ZMYND11: variants seen among roughly 807,000 people sequenced by gnomAD.
The protein encoded by ZMYND11 is zinc finger MYND domain-containing protein 11.
ZMYND11 carries 9 observed loss-of-function variants against 84.9 expected under a neutral mutation model. That is an observed-to-expected ratio of 0.11 (90% CI 0.06 to 0.18). The LOEUF (loss-of-function observed/expected upper bound fraction) is 0.18, where lower values mean the gene tolerates loss of function less well. ZMYND11 is among the 10% of genes least tolerant of loss of function. The pLI is 1.00. For synonymous variants in ZMYND11, 250 were observed against 244.1 expected, an observed-to-expected ratio of 1.02 and a Z score of -0.23; for missense variants, 409 against 761.0, an observed-to-expected ratio of 0.54 and a Z score of 5.44.
intron 8 of ZMYND11, among the ~76,000 whole-genome samples, chr10:240,607 A>ATTCAGTCTGAAGTGCTAACCAGT (rs1950719083): frequency 6.6e-6 from 1 of 152,228 alleles, no homozygotes; most frequent in Admixed American, 6.5e-5. Context: ...CCTGAGGAAT[A>ATTCAGTCTGAAGTGCTAACCAGT]TTCAGTCTGA....
At chr10:201,012 C>G (rs1268126297) in intron 2 of ZMYND11, among the ~76,000 whole-genome samples, 1 of 151,796 alleles carries the variant, frequency 6.6e-6, no homozygotes, top group Non-Finnish European at 1.5e-5. Context: ...TTTGCATCTC[C>G]TCCTGTTATA....
intron 1 of ZMYND11, among the ~76,000 whole-genome samples, chr10:176,492 G>GA (rs1175769406): frequency 6.6e-6 from 1 of 151,832 alleles, no homozygotes; most frequent in African/African-American, 2.4e-5. Context: ...CATAACAGCT[G>GA]AAAAAAAGTG....
At chr10:131,147 G>A (rs1400693087), upstream of ZMYND11, among the ~76,000 whole-genome samples, 1 of 152,128 alleles carries the variant, frequency 6.6e-6, no homozygotes, top group African/African-American at 2.4e-5. Flanking sequence ...GGGAGACAGG[G>A]AAAAGGTTAG....
Position 156,268 on chromosome 10 carries a change from C to T in ZMYND11, c.-20+20709C>T, listed in dbSNP as rs570719894. 1.5e-4 allele frequency among the ~76,000 whole-genome samples: 23 copies of T among 152,176 alleles called. No individual in the cohort carries two copies. In the South Asian group the frequency reaches 4.8e-3, roughly 32 times the overall value. Reference sequence around the variant, plus strand: ...AGAAGCAGCCCCTGTGCAACTGAGTCGATTTTTCTGTATTGTTGCATATGA... The same window carrying T: ...AGAAGCAGCCCCTGTGCAACTGAGTTGATTTTTCTGTATTGTTGCATATGA... On this transcript the variant is annotated intron_variant, in intron 1 of 14. Transcript: ENST00000381604.
At chr10:209,247 G>T (rs1002531671) in intron 2 of ZMYND11, among the ~76,000 whole-genome samples, 7 of 152,038 alleles carry the variant, frequency 4.6e-5, no homozygotes, top group Non-Finnish European at 1.0e-4. Context: ...GGGTGTGTCG[G>T]ATATATTTCA....
chr10:223,179 G>A (rs1178132325), intron 4 of ZMYND11, among the ~76,000 whole-genome samples: 3 of 152,086 alleles, frequency 2.0e-5, no homozygotes, highest in East Asian at 1.9e-4. Flanking sequence ...ACAGGTGCGT[G>A]CCACCACACC....
At chr10:184,653 G>A (rs1937655501) in intron 2 of ZMYND11, among the ~76,000 whole-genome samples, 2 of 151,788 alleles carry the variant, frequency 1.3e-5, no homozygotes, top group African/African-American at 4.8e-5. Context: ...CTTCTGTTTT[G>A]TCGGCTTGTC....
At chr10:188,934 T>G (rs760788996) in intron 2 of ZMYND11, among the ~76,000 whole-genome samples, 13 of 152,214 alleles carry the variant, frequency 8.5e-5, no homozygotes, top group Non-Finnish European at 1.8e-4. Context: ...AATTGAAGTA[T>G]TGGACCTATA....
At chr10:188,770 A>T (rs541567727) in intron 2 of ZMYND11, among the ~76,000 whole-genome samples, 5 of 152,278 alleles carry the variant, frequency 3.3e-5, no homozygotes, top group African/African-American at 1.2e-4. Context: ...TTGGCTTTAG[A>T]GGTTTATAAT....
chr10:187,257 T>G (rs943427497), intron 2 of ZMYND11, among the ~76,000 whole-genome samples: 22 of 152,028 alleles, frequency 1.4e-4, no homozygotes, highest in Non-Finnish European at 1.6e-4. Flanking sequence ...AAAAAAACCC[T>G]GCAAGTCTTA....
At chr10:147,425 T>C (rs1371095931) in intron 1 of ZMYND11, among the ~76,000 whole-genome samples, 3 of 152,124 alleles carry the variant, frequency 2.0e-5, no homozygotes, top group Non-Finnish European at 2.9e-5. Flanking sequence ...GTTCCTCCTA[T>C]TGAGCTCTAC....
intron 2 of ZMYND11, among the ~76,000 whole-genome samples, chr10:187,612 CTA>C: frequency 7.0e-6 from 1 of 142,374 alleles, no homozygotes; most frequent in Non-Finnish European, 1.5e-5. Context: ...CCGGCCTGGG[CTA>C]AACAGCGGGA....
intron 12 of ZMYND11, among the ~76,000 whole-genome samples, chr10:248,109 T>C (rs545130123): frequency 6.6e-6 from 1 of 152,360 alleles, no homozygotes; most frequent in African/African-American, 2.4e-5. Context: ...ATAATTATTG[T>C]AGCTGTTAAT....
intron 2 of ZMYND11, among the ~76,000 whole-genome samples, chr10:196,512 C>T (rs181256985): frequency 2.0e-5 from 3 of 152,130 alleles, no homozygotes; most frequent in Non-Finnish European, 4.4e-5. Context: ...CAATTTTTAA[C>T]TACACAACTT....
chr10:213,495 G>C (rs1299724363), intron 3 of ZMYND11, among the ~76,000 whole-genome samples: 1 of 152,210 alleles, frequency 6.6e-6, no homozygotes, highest in Admixed American at 6.5e-5. Context: ...CTTAGGAAGG[G>C]AAGGCATAGG....
chr10:250,431 G>A (rs1236349354), intron 14 of ZMYND11, among the ~76,000 whole-genome samples: 2 of 152,188 alleles, frequency 1.3e-5, no homozygotes, highest in African/African-American at 4.8e-5. Flanking sequence ...GGAGTGCAAG[G>A]TTGCAGAGAG....
intron 10 of ZMYND11, among the ~76,000 whole-genome samples, chr10:245,409 C>T (rs1276202740): frequency 6.6e-6 from 1 of 152,100 alleles, no homozygotes; most frequent in Admixed American, 6.5e-5. Context: ...AGATTCCTTC[C>T]AACAGTCATA....
In ZMYND11 at chr10:180,981, C is replaced by CA. The variant is rs879903039; in HGVS notation, c.116+864dup. ...ATATGGGTAGACAGATTCAGGATAC[C>CA]AAAAAAAAAAATCAAAGTACCTTAT... On this transcript the variant is annotated intron_variant, in intron 2 of 14. Coordinates refer to ENST00000381604, the MANE Select transcript of ZMYND11 (RefSeq NM_001370100.5). 5.7e-3 allele frequency among the ~76,000 whole-genome samples: 832 copies of CA among 144,942 alleles called. 6 individuals are homozygous for CA. The highest frequency in any genetic ancestry group is 0.013 in the African/African-American group (507 of 39,690).
At chr10:142,773 T>C (rs1246851968) in intron 1 of ZMYND11, among the ~76,000 whole-genome samples, 1 of 151,888 alleles carries the variant, frequency 6.6e-6, no homozygotes, top group African/African-American at 2.4e-5. Flanking sequence ...AAGACAGGAG[T>C]ATTAGGAAAC....
Sources: allele counts gnomAD v4.1 joint callset (sites outside exome capture counted in the v4.1 genomes callset), GRCh38; gene constraint gnomAD v4.1.1; transcripts MANE v1.5; gene names NCBI Gene and HGNC (gene_info 2026-07-23, HGNC 2026-07-21).